Variants in BICC1 observed in about 807,000 individuals in gnomAD.
The protein encoded by BICC1 is protein bicaudal C homolog 1.
A neutral mutation model predicts 111.0 loss-of-function variants in BICC1; 43 were observed. The ratio of observed to expected loss-of-function variants is 0.39; its 90% CI spans 0.30 to 0.50. The LOEUF is 0.50. Among genes scored for constraint, BICC1 ranks in the 20% least tolerant of loss-of-function variants. BICC1 has a pLI of 0.88. For synonymous variants in BICC1, 467 were observed against 434.4 expected (o/e 1.07, Z -0.93); for missense variants, 1,091 against 1,203.2 (o/e 0.91, Z 1.38).
chr10:58,610,004 T>C (rs1480285696), intron 1 of BICC1, among the ~76,000 whole-genome samples: 2 of 152,206 alleles, frequency 1.3e-5, no homozygotes, highest in African/African-American at 4.8e-5. Flanking sequence ...CCAACGTTTC[T>C]GTTAATCAGT....
At chr10:58,758,686 G>GT (rs1842215824) in intron 3 of BICC1, among the ~76,000 whole-genome samples, 1 of 152,112 alleles carries the variant, frequency 6.6e-6, no homozygotes, top group Admixed American at 6.5e-5. Flanking sequence ...CTCATCATCG[G>GT]TAAGTCTAAG....
At chr10:58,632,233 T>G (rs1837814321) in intron 2 of BICC1, among the ~76,000 whole-genome samples, 1 of 152,254 alleles carries the variant, frequency 6.6e-6, no homozygotes, top group South Asian at 2.1e-4. Context: ...TAATTTTAAC[T>G]TTCAAAGAGC....
chr10:58,785,723 A>G (rs1842992053), intron 4 of BICC1, among the ~76,000 whole-genome samples: 1 of 152,210 alleles, frequency 6.6e-6, no homozygotes, highest in African/African-American at 2.4e-5. Flanking sequence ...TTTTACACTT[A>G]TTAATTTGTT....
chr10:58,668,033 T>C (rs1839070544), intron 2 of BICC1, among the ~76,000 whole-genome samples: 1 of 152,018 alleles, frequency 6.6e-6, no homozygotes, highest in African/African-American at 2.4e-5. Flanking sequence ...AAAAACATAA[T>C]AAATTAAAAA....
chr10:58,778,389 A>G (rs1842802618), intron 3 of BICC1, among the ~76,000 whole-genome samples: 1 of 152,196 alleles, frequency 6.6e-6, no homozygotes, highest in Admixed American at 6.5e-5. Flanking sequence ...ATAGCCTGCT[A>G]TTGACCAGAT....
intron 1 of BICC1, among the ~76,000 whole-genome samples, chr10:58,513,568 C>T (rs1842157756): frequency 6.6e-6 from 1 of 152,234 alleles, no homozygotes; most frequent in African/African-American, 2.4e-5. Flanking sequence ...ACTTGACTGG[C>T]TTCAGAAAAG....
intron 3 of BICC1, among the ~76,000 whole-genome samples, chr10:58,727,986 C>G (rs1841165115): frequency 2.0e-5 from 3 of 152,166 alleles, no homozygotes; most frequent in Admixed American, 2.0e-4. Context: ...CTAAAAAATG[C>G]TAGTGATCAT....
intron 1 of BICC1, among the ~76,000 whole-genome samples, chr10:58,594,998 A>G (rs1844764891): frequency 6.6e-6 from 1 of 152,212 alleles, no homozygotes; most frequent in Admixed American, 6.5e-5. Context: ...AGACACATAT[A>G]GGCTCAAAAT....
chr10:58,817,641 C>T lies in BICC1; in HGVS notation c.2613C>T (p.Ser871=), dbSNP rs1220311172. Residue 871 remains serine (S), a synonymous_variant, in exon 19 of 21, where the codon AGC becomes AGT. Transcript: ENST00000373886. ...GAAGCAATGGCTGTAACTTAAATAGCTCTTTCAAAGGTTCTGACCTCCCTG... is the reference window on the plus strand; with the variant it reads ...GAAGCAATGGCTGTAACTTAAATAGTTCTTTCAAAGGTTCTGACCTCCCTG... ...LTGSNGCNLN[S]SFKGSDLPEL... The T allele has an allele frequency of 6.2e-7, 1 of 1,613,502 alleles. No individual in the cohort carries two copies. The highest frequency in any genetic ancestry group is 1.1e-5 in the South Asian group (1 of 91,062).
intron 3 of BICC1, among the ~76,000 whole-genome samples, chr10:58,764,576 G>A (rs1373420400): frequency 1.3e-5 from 2 of 151,242 alleles, no homozygotes; most frequent in Non-Finnish European, 2.9e-5. Flanking sequence ...TAAAACTGAT[G>A]CCAGAGTCAG....
rs1253148917 is a variant in BICC1, at chr10:58,593,400, G to C, written c.191-27455G>C. On this transcript the variant is annotated intron_variant, in intron 1 of 20. Coordinates refer to ENST00000373886, the MANE Select transcript of BICC1 (RefSeq NM_001080512.3). ...AGTGTTCAAGCTCTGCTAAGGGTCA[G>C]ACTGTTTCCTCAAGTGGGCCCCTGA... 3.3e-5 allele frequency among the ~76,000 whole-genome samples: 5 copies of C among 152,192 alleles called. No individual in the cohort carries two copies. In the East Asian group the frequency reaches 9.7e-4, roughly 29 times the overall value.
chr10:58,763,563 A>T (rs1255434183), intron 3 of BICC1, among the ~76,000 whole-genome samples: 1 of 152,162 alleles, frequency 6.6e-6, no homozygotes, highest in Non-Finnish European at 1.5e-5. Flanking sequence ...CACAGGAGAG[A>T]TCCTTGAGGA....
At chr10:58,631,955 T>C (rs1410263626) in intron 2 of BICC1, among the ~76,000 whole-genome samples, 2 of 152,016 alleles carry the variant, frequency 1.3e-5, no homozygotes, top group Non-Finnish European at 2.9e-5. Flanking sequence ...CAGTAGGAGG[T>C]GCTCTTTGAG....
chr10:58,671,216 A>G (rs997187928), intron 2 of BICC1, among the ~76,000 whole-genome samples: 3 of 152,184 alleles, frequency 2.0e-5, no homozygotes, highest in Non-Finnish European at 2.9e-5. Flanking sequence ...ATAGAAAACC[A>G]AAGCAAAACA....
At position 58,530,540 on chromosome 10, in the gene BICC1, A is replaced by G. The variant is rs1481119448; in HGVS notation, c.190+17207A>G. ...AGTAATAAAGAAGTATGTTTAGTGT[A>G]AGATTGAGATGAGACATTGTTACCC... On this transcript the variant is annotated intron_variant, in intron 1 of 20. Transcript: ENST00000373886. Among the ~76,000 whole-genome samples, 7 of 151,934 alleles carry G rather than the reference A, an allele frequency of 4.6e-5. No individual in the cohort carries two copies. The East Asian group carries it at 1.4e-3, about 30-fold the overall frequency.
chr10:58,590,648 C>T (rs1015343987), intron 1 of BICC1, among the ~76,000 whole-genome samples: 4 of 152,046 alleles, frequency 2.6e-5, no homozygotes, highest in African/African-American at 9.7e-5. Context: ...TTCTACCAGA[C>T]TTAAAAAAAA....
chr10:58,610,945 GT>G (rs565222930), intron 1 of BICC1, among the ~76,000 whole-genome samples: 1 of 152,122 alleles, frequency 6.6e-6, no homozygotes, highest in Non-Finnish European at 1.5e-5. Context: ...CAAAATCAGT[GT>G]TTCATTCTAG....
At chr10:58,788,985 A>C (rs924034227) in intron 6 of BICC1, among the ~76,000 whole-genome samples, 1 of 152,128 alleles carries the variant, frequency 6.6e-6, no homozygotes, top group Non-Finnish European at 1.5e-5. Context: ...CCACTAATTC[A>C]GGAAGCCAAG....
intron 3 of BICC1, among the ~76,000 whole-genome samples, chr10:58,731,725 AGAGAGAGG>A (rs1430555271): frequency 2.7e-5 from 4 of 147,892 alleles, no homozygotes; most frequent in South Asian, 2.2e-4. Context: ...AGAGAGAGAG[AGAGAGAGG>A]GAGGGAGTGG....
Sources: allele counts gnomAD v4.1 joint callset (sites outside exome capture counted in the v4.1 genomes callset), GRCh38; gene constraint gnomAD v4.1.1; transcripts MANE v1.5; gene names NCBI Gene and HGNC (gene_info 2026-07-23, HGNC 2026-07-21).